The following SRRM4 variants were observed in gnomAD, a reference collection of about 807,000 sequenced individuals.
SRRM4 encodes the protein serine/arginine repetitive matrix 4.
In SRRM4, 33 loss-of-function variants were observed where a neutral mutation model predicts 68.9. The ratio of observed to expected loss-of-function variants is 0.48; its 90% CI spans 0.36 to 0.64. SRRM4 has a LOEUF of 0.64. SRRM4 is among the 30% of genes least tolerant of loss of function. SRRM4 has a pLI of 0.00. For synonymous variants in SRRM4, 318 were observed against 318.8 expected, an observed-to-expected ratio of 1.00 and a Z score of 0.03; for missense variants, 817 against 827.1, an observed-to-expected ratio of 0.99 and a Z score of 0.15.
At chr12:119,010,938 T>C (rs1953445162) in intron 1 of SRRM4, among the ~76,000 whole-genome samples, 1 of 152,150 alleles carries the variant, frequency 6.6e-6, no homozygotes, top group African/African-American at 2.4e-5. Flanking sequence ...GACACACAAG[T>C]TGTAATGTTA....
intron 1 of SRRM4, among the ~76,000 whole-genome samples, chr12:119,007,956 C>T (rs888566643): frequency 6.6e-6 from 1 of 152,150 alleles, no homozygotes; most frequent in Non-Finnish European, 1.5e-5. Flanking sequence ...GCCTCAATTT[C>T]TTCTTCCATA....
intron 1 of SRRM4, among the ~76,000 whole-genome samples, chr12:119,067,692 A>T (rs1020115242): frequency 2.0e-5 from 3 of 152,134 alleles, no homozygotes; most frequent in African/African-American, 7.2e-5. Context: ...TGGGTGACAT[A>T]ACGAGATTTC....
At chr12:119,074,226 C>T (rs930099533) in intron 1 of SRRM4, among the ~76,000 whole-genome samples, 8 of 151,926 alleles carry the variant, frequency 5.3e-5, no homozygotes, top group Admixed American at 2.0e-4. Flanking sequence ...ATCACATTTA[C>T]TGGGTATTTC....
chr12:119,156,832 TC>T lies in SRRM4; in HGVS notation c.*35del. On this transcript the variant is annotated 3_prime_UTR_variant, in exon 13 of 13. Transcript: ENST00000267260. ...GAGCCAGCTGCCCGTGGGGGCCCCT[TC>T]GCGCTGCCAGCCTCCCCCAACCACC... The T allele has an allele frequency of 6.7e-7, 1 of 1,486,572 alleles. No individual in the cohort carries two copies. Among genetic ancestry groups the T allele is most frequent in the Non-Finnish European group, 8.9e-7 (1 of 1,121,228 alleles). The allele number at this position is 1,486,572 out of a possible 1,614,324, so 92.1% of individuals were successfully genotyped here.
intron 2 of SRRM4, among the ~76,000 whole-genome samples, chr12:119,105,210 A>G (rs959079214): frequency 2.6e-5 from 4 of 151,948 alleles, no homozygotes; most frequent in African/African-American, 9.7e-5. Context: ...TTCCTAATCC[A>G]GTCTATCATT....
At chr12:119,072,183 G>A (rs1953881641) in intron 1 of SRRM4, among the ~76,000 whole-genome samples, 1 of 152,206 alleles carries the variant, frequency 6.6e-6, no homozygotes, top group Non-Finnish European at 1.5e-5. Context: ...AGATGACTGT[G>A]AATATTGGGT....
In SRRM4 at chr12:119,086,385, G is replaced by A. The variant is rs78258978; in HGVS notation, c.132-15851G>A. On this transcript the variant is annotated intron_variant, in intron 1 of 12. Coordinates refer to ENST00000267260, the MANE Select transcript of SRRM4 (RefSeq NM_194286.4). ...TTCCCAACCCTTGTCTCAGCCACAG[G>A]TCCCACCACCAGGGGCTGAGAAATA... 4.5e-3 allele frequency among the ~76,000 whole-genome samples: 685 copies of A among 152,274 alleles called. 1 individual carries two copies. Among genetic ancestry groups the A allele is most frequent in the African/African-American group, 0.014 (594 of 41,548 alleles).
Position 119,154,518 on chromosome 12 carries a change from C to A in SRRM4, c.1532+135C>A, listed in dbSNP as rs1954460627. 3 of 954,262 alleles carry A rather than the reference C, an allele frequency of 3.1e-6. No homozygotes were observed. Among genetic ancestry groups the A allele is most frequent in the Non-Finnish European group, 3.1e-6 (2 of 644,712 alleles). The allele number at this position is 954,262 out of a possible 1,614,324, so 59.1% of individuals were successfully genotyped here. The stretch of plus-strand genomic sequence containing the variant: ...TTGTGCGAGCTTATGGTCCCCCCAA[C>A]CCCAACATCATTGAAATTACGTGTC... On this transcript the variant is annotated intron_variant, in intron 12 of 12. Transcript: ENST00000267260. This position sits in a 1 kb window ranked among gnomAD's most constrained non-coding sequence, Gnocchi z 4.7.
In SRRM4 at chr12:119,114,278, T is replaced by C. The variant is rs772836581; in HGVS notation, c.279T>C (p.Ser93=). The C allele has an allele frequency of 1.7e-5, 28 of 1,611,710 alleles. No homozygotes were observed. The highest frequency in any genetic ancestry group is 2.3e-5 in the Non-Finnish European group (27 of 1,178,884). The change falls in exon 3 of 13, where the codon AGT becomes AGC. Residue 93 remains serine, a splice_region_variant and synonymous_variant. Coordinates refer to ENST00000267260, the MANE Select transcript of SRRM4 (RefSeq NM_194286.4). ...ATGCTCCTCTCTTTGCTCCTCACAG[T>C]GCCTCTCATGACAAAGACTTGACAC... The part of the protein sequence containing the change: ...CRELGATRGH[S]ASHDKDLTPP...
intron 1 of SRRM4, among the ~76,000 whole-genome samples, chr12:119,046,346 G>A (rs1953707329): frequency 6.6e-6 from 1 of 152,118 alleles, no homozygotes; most frequent in South Asian, 2.1e-4. Context: ...AGAGAATCCG[G>A]GAGCTAGAAG....
At chr12:119,007,872 A>G (rs148734906) in intron 1 of SRRM4, among the ~76,000 whole-genome samples, 1,859 of 152,250 alleles carry the variant, frequency 0.012, 18 homozygotes, top group Middle Eastern at 0.037. Context: ...GGGTTTGAAT[A>G]TGAGCCCCAT....
At chr12:119,047,077 A>C (rs982276179) in intron 1 of SRRM4, among the ~76,000 whole-genome samples, 1 of 151,540 alleles carries the variant, frequency 6.6e-6, no homozygotes, top group African/African-American at 2.4e-5. Flanking sequence ...ACACAGTTCA[A>C]TGTTTTATGG....
At chr12:119,046,949 G>A (rs888563849) in intron 1 of SRRM4, among the ~76,000 whole-genome samples, 5 of 150,342 alleles carry the variant, frequency 3.3e-5, no homozygotes, top group African/African-American at 7.4e-5. Context: ...GGAGAATGGT[G>A]TGAACCCGGG....
chr12:119,077,808 T>C (rs896784439), intron 1 of SRRM4, among the ~76,000 whole-genome samples: 3 of 152,202 alleles, frequency 2.0e-5, no homozygotes, highest in Non-Finnish European at 2.9e-5. Context: ...GGAATGAATT[T>C]AATGAGTGGT....
intron 1 of SRRM4, among the ~76,000 whole-genome samples, chr12:119,085,677 A>G (rs1211144727): frequency 6.6e-6 from 1 of 152,174 alleles, no homozygotes; most frequent in Non-Finnish European, 1.5e-5. Context: ...TGCATTTTGG[A>G]AAAACAGCTT....
intron 1 of SRRM4, among the ~76,000 whole-genome samples, chr12:119,031,739 T>C (rs1292582201): frequency 1.3e-5 from 2 of 152,186 alleles, no homozygotes; most frequent in Non-Finnish European, 2.9e-5. Context: ...TGCATTTCTT[T>C]GAGAGCTCAT....
chr12:119,054,185 G>A (rs1953762976), intron 1 of SRRM4, among the ~76,000 whole-genome samples: 1 of 152,146 alleles, frequency 6.6e-6, no homozygotes, highest in African/African-American at 2.4e-5. Context: ...ATGATCTCCA[G>A]TTCCATTTAT....
chr12:119,020,503 G>A lies in SRRM4; in HGVS notation c.131+38490G>A, dbSNP rs115655317. Among the ~76,000 whole-genome samples, 294 of 152,254 alleles carry A rather than the reference G, an allele frequency of 1.9e-3. 2 individuals are homozygous for A. The highest frequency in any genetic ancestry group is 6.9e-3 in the African/African-American group (285 of 41,538). The stretch of plus-strand genomic sequence containing the variant: ...GGCCCCGGGCAGGGAGGAGCTATTC[G>A]TCTTATCAGTAACTGTCTGGGTAGA... On this transcript the variant is annotated intron_variant, in intron 1 of 12. Transcript: ENST00000267260.
chr12:118,981,788 G>A lies in SRRM4; in HGVS notation c.-95G>A, dbSNP rs1241340322. On this transcript the variant is annotated 5_prime_UTR_variant, in exon 1 of 13. Transcript: ENST00000267260. ...CCCCACCCCTCTCTGGGTTTCACCC[G>A]GACAGAGCCGGGAGCTGGGTGTCGC... 2.3e-6 allele frequency: 3 copies of A among 1,285,644 alleles called. No homozygotes were observed. Among genetic ancestry groups the A allele is most frequent in the African/African-American group, 3.0e-5 (2 of 66,778 alleles). The allele number at this position is 1,285,644 out of a possible 1,614,324, so 79.6% of individuals were successfully genotyped here.
Sources: allele counts gnomAD v4.1 joint callset (sites outside exome capture counted in the v4.1 genomes callset), GRCh38; gene constraint gnomAD v4.1.1; non-coding constraint Gnocchi (gnomAD v3.1); transcripts MANE v1.5; gene names NCBI Gene and HGNC (gene_info 2026-07-23, HGNC 2026-07-21).